GNA11: variants seen among roughly 807,000 people sequenced by gnomAD.
GNA11 encodes the protein guanine nucleotide-binding protein subunit alpha-11.
In GNA11, 8 loss-of-function variants were observed where a neutral mutation model predicts 38.2. That is an observed-to-expected ratio of 0.21 (90% CI 0.12 to 0.38). GNA11 has a LOEUF of 0.38. Ranked by LOEUF, GNA11 falls within the 10% of genes least tolerant of loss-of-function variation. GNA11 has a pLI of 1.00. For synonymous variants in GNA11, 211 were observed against 221.4 expected (o/e 0.95, Z 0.42); for missense variants, 268 against 516.3 (o/e 0.52, Z 4.66).
intron 1 of GNA11, among the ~76,000 whole-genome samples, chr19:3,105,553 C>T (rs943483985): frequency 6.6e-6 from 1 of 152,112 alleles, no homozygotes; most frequent in Non-Finnish European, 1.5e-5. Context: ...TCAGTGCCCT[C>T]ATGAAAGAGC....
At chr19:3,101,644 G>A (rs1366586128) in intron 1 of GNA11, among the ~76,000 whole-genome samples, 2 of 152,150 alleles carry the variant, frequency 1.3e-5, no homozygotes, top group Non-Finnish European at 2.9e-5. Flanking sequence ...GGGCAGGGGC[G>A]GGGGTCTGTC....
rs1568285278 is a variant in GNA11, at chr19:3,119,783, G to T, written c.889+424G>T. On this transcript the variant is annotated intron_variant, in intron 6 of 6. Transcript: ENST00000078429. This position sits in a 1 kb window ranked among gnomAD's most constrained non-coding sequence, Gnocchi z 4.6. The stretch of plus-strand genomic sequence containing the variant: ...ATCCCATATGGGAGGGGTCTCACAG[G>T]AAGGGTTCACGCACACTGCCAGCGC... 6.6e-6 allele frequency among the ~76,000 whole-genome samples: 1 copy of T among 151,772 alleles called. No homozygotes were observed. Among genetic ancestry groups the T allele is most frequent in the Non-Finnish European group, 1.5e-5 (1 of 67,880 alleles).
At chr19:3,102,519 C>A (rs1398374460) in intron 1 of GNA11, among the ~76,000 whole-genome samples, 1 of 152,204 alleles carries the variant, frequency 6.6e-6, no homozygotes, top group Non-Finnish European at 1.5e-5. Context: ...CAGAAGAGCA[C>A]GTCCTGGGCT....
chr19:3,108,688 G>T lies in GNA11; in HGVS notation c.137-1461G>T, dbSNP rs1278967237. ...TGTAATGGGGTCACCCCAAAACTTC[G>T]CAACTTAAATTAACAAAACTTATTT... On this transcript the variant is annotated intron_variant, in intron 1 of 6. Coordinates refer to ENST00000078429, the MANE Select transcript of GNA11 (RefSeq NM_002067.5). The surrounding 1 kb of genome is among the most constrained non-coding windows in gnomAD (Gnocchi z 4.5). Among the ~76,000 whole-genome samples the T allele has an allele frequency of 6.6e-6, 1 of 152,208 alleles. No homozygotes were observed.
rs780180140 is a variant in GNA11, at chr19:3,119,188, T to G, written c.736-18T>G. The G allele has an allele frequency of 6.2e-7, 1 of 1,612,334 alleles. No individual in the cohort carries two copies. The highest frequency in any genetic ancestry group is 1.1e-5 in the South Asian group (1 of 90,908). On this transcript the variant is annotated intron_variant, in intron 5 of 6. Transcript: ENST00000078429. This position sits in a 1 kb window ranked among gnomAD's most constrained non-coding sequence, Gnocchi z 4.6. ...TGGGGAGGGCCCCTCTGATTCCCTC[T>G]GCCTTCGCTCCCGCCAGAACCGGAT... is the stretch of plus-strand genomic sequence containing the variant.
chr19:3,122,088 C>T lies in GNA11; in HGVS notation c.*909C>T, dbSNP rs779462881. On this transcript the variant is annotated 3_prime_UTR_variant, in exon 7 of 7. Coordinates refer to ENST00000078429, the MANE Select transcript of GNA11 (RefSeq NM_002067.5). This position sits in a 1 kb window ranked among gnomAD's most constrained non-coding sequence, Gnocchi z 7.7. The stretch of plus-strand genomic sequence containing the variant: ...CTAGAGCGCACCCCACCGGAGCCCA[C>T]GTGGGCTGGGCGGCTGGAGGGATGG... 2 of 233,126 alleles carry T rather than the reference C, an allele frequency of 8.6e-6. No homozygotes were observed. Among genetic ancestry groups the T allele is most frequent in the African/African-American group, 2.2e-5 (1 of 45,286 alleles). 14.4% of individuals were successfully genotyped at this position (233,126 alleles called of 1,614,324 possible).
rs150837863 is a variant in GNA11, at chr19:3,123,359, C to G, written c.*2180C>G. 2.5e-4 allele frequency: 59 copies of G among 233,104 alleles called. No individual in the cohort carries two copies. Among genetic ancestry groups the G allele is most frequent in the South Asian group, 5.4e-4 (3 of 5,524 alleles). 14.4% of individuals were successfully genotyped at this position (233,104 alleles called of 1,614,324 possible). A position where few individuals can be genotyped will look rare whatever the true frequency, so the allele number is the denominator to read the frequency against. On this transcript the variant is annotated 3_prime_UTR_variant, in exon 7 of 7. Coordinates refer to ENST00000078429, the MANE Select transcript of GNA11 (RefSeq NM_002067.5). ...GTCTGAGTGCCTGATCCCCTGCCCC[C>G]CAAAAAAGCAGAGGTAGGTGTTGCA...
In GNA11 at chr19:3,098,986, G is replaced by A. The variant is rs563554701; in HGVS notation, c.136+4199G>A. Among the ~76,000 whole-genome samples the A allele has an allele frequency of 1.9e-4, 29 of 152,354 alleles. 1 individual carries two copies. The highest frequency in any genetic ancestry group is 4.1e-4 in the South Asian group (2 of 4,824). On this transcript the variant is annotated intron_variant, in intron 1 of 6. Transcript: ENST00000078429. ...GCTCCGTTCCACAGCTGTGAGCTCC[G>A]TGGAGCTTCCTCCCGAGCCTCCTGC...
At chr19:3,116,718 C>T (rs1200553562) in intron 4 of GNA11, among the ~76,000 whole-genome samples, 2 of 152,216 alleles carry the variant, frequency 1.3e-5, no homozygotes, top group Non-Finnish European at 2.9e-5. Flanking sequence ...GAGGGCCTCG[C>T]GGTGGCTCCG....
At chr19:3,099,445 C>T (rs1240721025) in intron 1 of GNA11, among the ~76,000 whole-genome samples, 3 of 152,188 alleles carry the variant, frequency 2.0e-5, no homozygotes, top group East Asian at 1.9e-4. Context: ...TAAGTCCTTT[C>T]GCAGAACCGG....
At position 3,110,402 on chromosome 19, in the gene GNA11, C is replaced by G. The variant is rs1173314602; in HGVS notation, c.321+69C>G. 3 of 1,326,154 alleles carry G rather than the reference C, an allele frequency of 2.3e-6. No homozygotes were observed. The highest frequency in any genetic ancestry group is 3.2e-6 in the Non-Finnish European group (3 of 939,032). 82.1% of individuals were successfully genotyped at this position (1,326,154 alleles called of 1,614,324 possible). A position where few individuals can be genotyped will look rare whatever the true frequency, so the allele number is the denominator to read the frequency against. ...TGGGCTTGGTGGTGAGCATGGTGGC[C>G]GCGCTGCCAGGGTGGGGCCATGCCG... is the stretch of plus-strand genomic sequence containing the variant. On this transcript the variant is annotated intron_variant, in intron 2 of 6. Transcript: ENST00000078429. The surrounding 1 kb of genome is among the most constrained non-coding windows in gnomAD (Gnocchi z 5.4).
rs1412784973 is a variant in GNA11, at chr19:3,121,820, C to T, written c.*641C>T. ...TGGGGGGCTCCCTCGGTCGCCCACC[C>T]TGGGAAGTGCCTAACCTTTTATTTT... On this transcript the variant is annotated 3_prime_UTR_variant, in exon 7 of 7. Coordinates refer to ENST00000078429, the MANE Select transcript of GNA11 (RefSeq NM_002067.5). 2.6e-5 allele frequency: 6 copies of T among 232,646 alleles called. No individual in the cohort carries two copies. The highest frequency in any genetic ancestry group is 6.1e-5 in the East Asian group (1 of 16,518). The allele number at this position is 232,646 out of a possible 1,614,324, so 14.4% of individuals were successfully genotyped here.
rs1389069172 is a variant in GNA11, at chr19:3,119,660, G to A, written c.889+301G>A. Among the ~76,000 whole-genome samples the A allele has an allele frequency of 1.3e-5, 2 of 151,542 alleles. No individual in the cohort carries two copies. Among genetic ancestry groups the A allele is most frequent in the African/African-American group, 4.9e-5 (2 of 41,216 alleles). On this transcript the variant is annotated intron_variant, in intron 6 of 6. Transcript: ENST00000078429. The surrounding 1 kb of genome is among the most constrained non-coding windows in gnomAD (Gnocchi z 4.6). ...TCGGGCAGGGGGATCTCGGGTGGGA[G>A]GAGTCTTGTACAAGGAGGGCACCAT...
chr19:3,106,768 GCA>G (rs1913649996), intron 1 of GNA11, among the ~76,000 whole-genome samples: 1 of 152,272 alleles, frequency 6.6e-6, no homozygotes, highest in African/African-American at 2.4e-5. Context: ...GTGTGGGTGT[GCA>G]CGTGTGCATT....
chr19:3,114,507 C>T (rs1599304606), intron 3 of GNA11, among the ~76,000 whole-genome samples: 1 of 152,254 alleles, frequency 6.6e-6, no homozygotes, highest in East Asian at 1.9e-4. Flanking sequence ...CTGCTGGGAC[C>T]TCTGCAGCCT....
intron 1 of GNA11, among the ~76,000 whole-genome samples, chr19:3,096,300 G>A (rs142958793): frequency 1.3e-3 from 203 of 152,278 alleles, no homozygotes; most frequent in African/African-American, 4.7e-3. Context: ...CGGGTAGGCA[G>A]AGCCGTGGTC....
Position 3,120,847 on chromosome 19 carries a change from C to G in GNA11, c.890-142C>G. ...CTGGGGAGGGAGGGGAGCTGCGGCCCGTCAGGCATGCAGTGGGCTGGGGGT... is the reference window on the plus strand; with the variant it reads ...CTGGGGAGGGAGGGGAGCTGCGGCCGGTCAGGCATGCAGTGGGCTGGGGGT... On this transcript the variant is annotated intron_variant, in intron 6 of 6. Coordinates refer to ENST00000078429, the MANE Select transcript of GNA11 (RefSeq NM_002067.5). This position sits in a 1 kb window ranked among gnomAD's most constrained non-coding sequence, Gnocchi z 5.9. 1 of 608,964 alleles carries G rather than the reference C, an allele frequency of 1.6e-6. No homozygotes were observed. Among genetic ancestry groups the G allele is most frequent in the East Asian group, 2.8e-5 (1 of 35,650 alleles). The allele number at this position is 608,964 out of a possible 1,614,324, so 37.7% of individuals were successfully genotyped here.
Position 3,119,339 on chromosome 19 carries a change from A to G in GNA11, c.869A>G (p.Asp290Gly). The G allele has an allele frequency of 6.2e-7, 1 of 1,613,708 alleles. No homozygotes were observed. Among genetic ancestry groups the G allele is most frequent in the Non-Finnish European group, 8.5e-7 (1 of 1,179,912 alleles). ...AAGATCCTGTACTCGCACCTGGTGGACTACTTCCCCGAGTTCGATGGTGCG... is the reference window on the plus strand; with the variant it reads ...AAGATCCTGTACTCGCACCTGGTGGGCTACTTCCCCGAGTTCGATGGTGCG... ...EDKILYSHLVDYFPEFDGPQR... is the reference protein window; with the variant it reads ...EDKILYSHLVGYFPEFDGPQR... Residue 290 changes from aspartate to glycine, a missense_variant, in exon 6 of 7, where the codon GAC (aspartate) becomes GGC (glycine). Physicochemically the swap from Asp to Gly is moderately conservative, Grantham distance 94. Around this residue, in one of 3 missense-constraint regions of GNA11, gnomAD observed 92 missense variants for 166.7 expected, o/e 0.55. Coordinates refer to ENST00000078429, the MANE Select transcript of GNA11 (RefSeq NM_002067.5). The surrounding 1 kb of genome is among the most constrained non-coding windows in gnomAD (Gnocchi z 4.6).
At chr19:3,104,533 C>T (rs1280652965) in intron 1 of GNA11, among the ~76,000 whole-genome samples, 2 of 152,192 alleles carry the variant, frequency 1.3e-5, no homozygotes, top group African/African-American at 4.8e-5. Context: ...ATGTGGGCCC[C>T]ATTCTCCCAG....
Sources: gnomAD v4.1 joint callset for allele counts (sites outside exome capture counted in the v4.1 genomes callset) on GRCh38, gnomAD v4.1.1 for gene constraint, gnomAD v4.1.1 regional missense constraint, Gnocchi (gnomAD v3.1) non-coding constraint, MANE v1.5 for transcripts, NCBI Gene and HGNC (gene_info 2026-07-23, HGNC 2026-07-21) for gene names.